The following XIRP2 variants were observed in gnomAD, a reference collection of about 807,000 sequenced individuals.
XIRP2 encodes the protein xin actin binding repeat containing 2.
In XIRP2, 236 loss-of-function variants were observed where a neutral mutation model predicts 277.0. That is an observed-to-expected ratio of 0.85 (90% CI 0.77 to 0.95). The LOEUF is 0.95. XIRP2 is among the 40% of genes least tolerant of loss of function. The pLI, the probability that XIRP2 is intolerant of heterozygous loss-of-function variation, is 0.00. For synonymous variants in XIRP2, 1,490 were observed against 1,416.5 expected, an observed-to-expected ratio of 1.05 and a Z score of -1.17; for missense variants, 4,640 against 4,157.5, an observed-to-expected ratio of 1.12 and a Z score of -3.19.
At chr2:167,178,793 T>C (rs1692927292) in intron 3 of XIRP2, among the ~76,000 whole-genome samples, 1 of 152,170 alleles carries the variant, frequency 6.6e-6, no homozygotes, top group African/African-American at 2.4e-5. Flanking sequence ...CATAAACTTA[T>C]CCCGTTTTAT....
Position 166,903,546 on chromosome 2 carries a change from CAG to C in XIRP2, c.68_69del (p.Arg23LysfsTer2), listed in dbSNP as rs766483823. On this transcript the variant is annotated frameshift_variant, in exon 2 of 11. Coordinates refer to ENST00000409195, the MANE Select transcript of XIRP2 (RefSeq NM_152381.6). LOFTEE classifies it high-confidence loss of function. ...LRQKWESCDY[Q>X]RSECHPRDSH... ...GCAGAAATGGGAATCTTGTGATTAT[CAG>C]AGAAGTGAGTGTCATCCCAGGGACA... The C allele has an allele frequency of 1.1e-5, 18 of 1,613,434 alleles. No homozygotes were observed. The South Asian group carries it at 1.3e-4, about 12-fold the overall frequency.
chr2:166,922,318 T>C (rs773279243), intron 2 of XIRP2, among the ~76,000 whole-genome samples: 9 of 152,150 alleles, frequency 5.9e-5, no homozygotes, highest in Non-Finnish European at 1.3e-4. Context: ...TTGACCTGTT[T>C]GTCCTACTGT....
At chr2:166,936,407 T>C (rs1200414705) in intron 2 of XIRP2, among the ~76,000 whole-genome samples, 6 of 152,266 alleles carry the variant, frequency 3.9e-5, no homozygotes, top group Admixed American at 1.3e-4. Flanking sequence ...GCAGAAGCTC[T>C]TTAGTTTAAT....
chr2:167,248,740 C>A lies in XIRP2; in HGVS notation c.7348C>A (p.Leu2450Met), dbSNP rs779799882. The change falls in exon 9 of 11, where the codon CTG becomes ATG. Residue 2450 changes from leucine (L) to methionine (M), a missense_variant. Coordinates refer to ENST00000409195, the MANE Select transcript of XIRP2 (RefSeq NM_152381.6). ...CCCCAAAGTTGAACTGGCAACCTCC[C>A]TGTCAGATATGGAATGTAAAATTAC... ...FSPKVELATS[L>M]SDMECKITTS... 8.7e-6 allele frequency: 14 copies of A among 1,613,560 alleles called. No individual in the cohort carries two copies. The South Asian group carries it at 1.3e-4, about 15-fold the overall frequency.
intron 2 of XIRP2, among the ~76,000 whole-genome samples, chr2:167,055,042 A>G (rs115621023): frequency 0.022 from 3,303 of 152,170 alleles, 57 homozygotes; most frequent in South Asian, 0.066. Flanking sequence ...TGCTGTTTGA[A>G]CTCAGCTAGA....
intron 2 of XIRP2, among the ~76,000 whole-genome samples, chr2:166,907,865 T>C (rs1558911241): frequency 6.7e-6 from 1 of 150,112 alleles, no homozygotes; most frequent in East Asian, 2.0e-4. Context: ...ACATGCAGTG[T>C]TTGGTTTTTT....
At chr2:167,033,312 G>A (rs752931741) in intron 2 of XIRP2, among the ~76,000 whole-genome samples, 6 of 152,080 alleles carry the variant, frequency 3.9e-5, no homozygotes, top group Non-Finnish European at 5.9e-5. Flanking sequence ...TAGGGGAAGG[G>A]TAGCATTAGG....
intron 2 of XIRP2, among the ~76,000 whole-genome samples, chr2:167,086,321 C>G (rs956127870): frequency 2.6e-5 from 4 of 152,188 alleles, no homozygotes; most frequent in Non-Finnish European, 5.9e-5. Flanking sequence ...CGCTGTTAGT[C>G]TGATGGGCTT....
chr2:167,084,402 CT>C (rs1689857349), intron 2 of XIRP2, among the ~76,000 whole-genome samples: 1 of 151,386 alleles, frequency 6.6e-6, no homozygotes, highest in South Asian at 2.1e-4. Context: ...CTAAAATTCT[CT>C]TTTTTGGTTG....
intron 2 of XIRP2, among the ~76,000 whole-genome samples, chr2:166,994,810 G>A (rs1221100764): frequency 6.6e-6 from 1 of 151,472 alleles, no homozygotes; most frequent in African/African-American, 2.4e-5. Context: ...GATGTCATTA[G>A]GGGAAACTAG....
chr2:167,236,428 T>C (rs1223261942), intron 5 of XIRP2, among the ~76,000 whole-genome samples: 1 of 152,022 alleles, frequency 6.6e-6, no homozygotes, highest in Non-Finnish European at 1.5e-5. Flanking sequence ...ATATCAACAA[T>C]AGATTTTTGT....
chr2:167,012,940 A>T (rs953452496), intron 2 of XIRP2, among the ~76,000 whole-genome samples: 2 of 151,180 alleles, frequency 1.3e-5, no homozygotes, highest in African/African-American at 2.4e-5. Flanking sequence ...GATGATAAAA[A>T]TTAGGATGTA....
At chr2:167,229,944 T>A (rs1694705184) in intron 5 of XIRP2, among the ~76,000 whole-genome samples, 1 of 152,080 alleles carries the variant, frequency 6.6e-6, no homozygotes, top group African/African-American at 2.4e-5. Flanking sequence ...CTCCTGGGTA[T>A]CTACTTAGGC....
chr2:167,100,659 A>G (rs907119858), intron 2 of XIRP2, among the ~76,000 whole-genome samples: 78 of 152,204 alleles, frequency 5.1e-4, no homozygotes, highest in African/African-American at 1.8e-3. Context: ...TTGTCTTTCT[A>G]GATTAAAAGC....
chr2:166,925,512 A>G (rs1159053157), intron 2 of XIRP2, among the ~76,000 whole-genome samples: 1 of 150,232 alleles, frequency 6.7e-6, no homozygotes, highest in South Asian at 2.1e-4. Context: ...GCAAATGGCT[A>G]TCTTTAAATA....
chr2:167,014,110 T>TC (rs915944565), intron 2 of XIRP2, among the ~76,000 whole-genome samples: 5 of 151,546 alleles, frequency 3.3e-5, no homozygotes, highest in Non-Finnish European at 7.4e-5. Flanking sequence ...GATGCTCTTA[T>TC]CCCCCTCTTT....
At chr2:167,165,013 C>A (rs1692478642) in intron 3 of XIRP2, among the ~76,000 whole-genome samples, 1 of 152,152 alleles carries the variant, frequency 6.6e-6, no homozygotes, top group East Asian at 1.9e-4. Flanking sequence ...TCCCCTCCTC[C>A]CAATAACCCC....
At chr2:167,156,728 G>A (rs1373853873) in intron 3 of XIRP2, among the ~76,000 whole-genome samples, 1 of 152,122 alleles carries the variant, frequency 6.6e-6, no homozygotes, top group Non-Finnish European at 1.5e-5. Flanking sequence ...AATACAGTTT[G>A]CCATATCCAT....
At chr2:167,214,134 G>GAAGGAAGGAAGGAAGGAAGCAAGC (rs376588444) in intron 4 of XIRP2, among the ~76,000 whole-genome samples, 8 of 112,166 alleles carry the variant, frequency 7.1e-5, no homozygotes, top group South Asian at 3.3e-4. Context: ...AGGAAGGAAG[G>GAAGGAAGGAAGGAAGGAAGCAAGC]AAGCAAAGAG....
Sources: gnomAD v4.1 joint callset for allele counts (sites outside exome capture counted in the v4.1 genomes callset) on GRCh38, gnomAD v4.1.1 for gene constraint, MANE v1.5 for transcripts, NCBI Gene and HGNC (gene_info 2026-07-23, HGNC 2026-07-21) for gene names.